Variants in HTR2C observed in about 807,000 individuals in gnomAD.
HTR2C encodes the protein 5-hydroxytryptamine receptor 2C, also known as 5-hydroxytryptamine (serotonin) receptor 2C, G protein-coupled.
In HTR2C, 5 loss-of-function variants were observed where a neutral mutation model predicts 21.0. The ratio of observed to expected loss-of-function variants is 0.24; its 90% CI spans 0.12 to 0.50. The LOEUF is 0.50. HTR2C is among the 20% of genes least tolerant of loss of function. HTR2C has a pLI of 0.98. For missense variants in HTR2C, 271 were observed against 371.2 expected (o/e 0.73, Z 2.22); for synonymous variants, 150 against 145.3 (o/e 1.03, Z -0.23).
At chrX:114,805,986 A>C (rs1274915289) in intron 4 of HTR2C, among the ~76,000 whole-genome samples, 1 of 97,365 alleles carries the variant, frequency 1.0e-5, no homozygotes, top group Non-Finnish European at 2.0e-5. Flanking sequence ...CACCATATAT[A>C]TACACCATAT....
At chrX:114,835,902 G>C (rs1379366275) in intron 4 of HTR2C, among the ~76,000 whole-genome samples, 11 of 109,633 alleles carry the variant, frequency 1.0e-4, no homozygotes, top group African/African-American at 3.6e-4. Flanking sequence ...TGTCCTTTCT[G>C]TCTGTTAGTT....
At chrX:114,784,273 A>G (rs1463024498) in intron 4 of HTR2C, among the ~76,000 whole-genome samples, 1 of 111,579 alleles carries the variant, frequency 9.0e-6, no homozygotes, top group Admixed American at 9.5e-5. Context: ...ATAAATTAAC[A>G]TAACAAAAGG....
chrX:114,633,817 A>ATG (rs1353364649), intron 2 of HTR2C, among the ~76,000 whole-genome samples: 6 of 107,938 alleles, frequency 5.6e-5, no homozygotes, highest in Non-Finnish European at 7.7e-5. Context: ...ACACATATAT[A>ATG]TGTGTGTGTG....
At chrX:114,654,420 A>G (rs1930705749) in intron 2 of HTR2C, among the ~76,000 whole-genome samples, 1 of 109,724 alleles carries the variant, frequency 9.1e-6, no homozygotes, top group African/African-American at 3.3e-5. Flanking sequence ...AAACAAATTC[A>G]AATCAAAAGC....
At chrX:114,717,362 C>T (rs1182299937) in intron 2 of HTR2C, among the ~76,000 whole-genome samples, 1 of 112,303 alleles carries the variant, frequency 8.9e-6, no homozygotes, top group African/African-American at 3.2e-5. Context: ...CGTGAGCCAT[C>T]GCACATGGTC....
chrX:114,664,289 T>A (rs1407820976), intron 2 of HTR2C, among the ~76,000 whole-genome samples: 1 of 111,680 alleles, frequency 9.0e-6, no homozygotes. Flanking sequence ...ATATGTGCTA[T>A]GGTGGTTTGC....
chrX:114,668,687 G>T (rs377509833), intron 2 of HTR2C, among the ~76,000 whole-genome samples: 1 of 110,564 alleles, frequency 9.0e-6, no homozygotes, highest in African/African-American at 3.3e-5. Context: ...TGGGAACCAA[G>T]AATTATTTTT....
At chrX:114,665,708 A>T (rs782806334) in intron 2 of HTR2C, among the ~76,000 whole-genome samples, 1 of 111,666 alleles carries the variant, frequency 9.0e-6, no homozygotes, top group Non-Finnish European at 1.9e-5. Context: ...AAAGGTCTTC[A>T]TTCTCATCAT....
At chrX:114,733,535 C>A (rs1364901911) in intron 4 of HTR2C, among the ~76,000 whole-genome samples, 3 of 107,608 alleles carry the variant, frequency 2.8e-5, no homozygotes, top group Admixed American at 1.0e-4. Context: ...CTCAAGAAAG[C>A]AGCCTTGGAA....
chrX:114,844,804 C>G (rs2070861715), intron 4 of HTR2C, among the ~76,000 whole-genome samples: 1 of 111,683 alleles, frequency 9.0e-6, no homozygotes, highest in African/African-American at 3.2e-5. Context: ...TTCAAGCCAT[C>G]AAGAACATAT....
chrX:114,734,646 A>G (rs2069573270), intron 4 of HTR2C, among the ~76,000 whole-genome samples: 1 of 107,633 alleles, frequency 9.3e-6, no homozygotes. Flanking sequence ...CATTTATAGG[A>G]CATTCTTTGA....
chrX:114,779,418 T>TTC (rs2070093977), intron 4 of HTR2C, among the ~76,000 whole-genome samples: 1 of 110,014 alleles, frequency 9.1e-6, no homozygotes, highest in African/African-American at 3.3e-5. Context: ...CAGAATATGT[T>TTC]TTCTCTTGTG....
At chrX:114,657,976 A>G (rs1401994064) in intron 2 of HTR2C, among the ~76,000 whole-genome samples, 1 of 111,335 alleles carries the variant, frequency 9.0e-6, no homozygotes, top group Non-Finnish European at 1.9e-5. Flanking sequence ...AAAAAACAAG[A>G]TGCCCAGGCT....
intron 2 of HTR2C, among the ~76,000 whole-genome samples, chrX:114,626,227 A>AAAAAATAAT (rs1556402785): frequency 1.6e-3 from 161 of 103,351 alleles, no homozygotes; most frequent in African/African-American, 5.4e-3. Context: ...AAAAAAAAAA[A>AAAAAATAAT]AATAATAAAA....
chrX:114,785,309 T>C (rs1226725238), intron 4 of HTR2C, among the ~76,000 whole-genome samples: 1 of 111,146 alleles, frequency 9.0e-6, no homozygotes, highest in Non-Finnish European at 1.9e-5. Context: ...TTGATATTAG[T>C]GAGAAAAAAA....
chrX:114,892,898 A>ATTTATT (rs1268247284), intron 5 of HTR2C, among the ~76,000 whole-genome samples: 3 of 107,845 alleles, frequency 2.8e-5, no homozygotes, highest in African/African-American at 9.9e-5. Flanking sequence ...TGATTTTATT[A>ATTTATT]TTTATTTTTA....
chrX:114,888,874 T>C (rs1213048036), intron 5 of HTR2C, among the ~76,000 whole-genome samples: 1 of 112,050 alleles, frequency 8.9e-6, no homozygotes, highest in Non-Finnish European at 1.9e-5. Context: ...TTCAATTCTA[T>C]GGATATACCA....
At chrX:114,630,305 T>TA (rs1289455211) in intron 2 of HTR2C, among the ~76,000 whole-genome samples, 2 of 111,789 alleles carry the variant, frequency 1.8e-5, no homozygotes, top group African/African-American at 6.5e-5. Context: ...AATTATTAAC[T>TA]AAAAAAAATT....
At chrX:114,839,798 G>C (rs968344605) in intron 4 of HTR2C, among the ~76,000 whole-genome samples, 1 of 111,409 alleles carries the variant, frequency 9.0e-6, no homozygotes, top group Admixed American at 9.6e-5. Flanking sequence ...CCTAGGAAAA[G>C]GTAAAGATAG....
Sources: gnomAD v4.1 joint callset for allele counts (sites outside exome capture counted in the v4.1 genomes callset) on GRCh38, gnomAD v4.1.1 for gene constraint, MANE v1.5 for transcripts, NCBI Gene and HGNC (gene_info 2026-07-23, HGNC 2026-07-21) for gene names.